ZNF462: variants seen among roughly 807,000 people sequenced by gnomAD.
ZNF462 encodes the protein zinc finger PBX1-interacting protein.
A neutral mutation model predicts 201.9 loss-of-function variants in ZNF462; 10 were observed. The observed-to-expected ratio is 0.05, with a 90% CI of 0.03 to 0.08. The LOEUF (loss-of-function observed/expected upper bound fraction) is 0.08. ZNF462 is among the 10% of genes least tolerant of loss of function. The pLI is 1.00. For missense variants in ZNF462, 2,523 were observed against 3,168.3 expected (o/e 0.80, Z 4.89); for synonymous variants, 1,227 against 1,193.3 (o/e 1.03, Z -0.58).
intron 7 of ZNF462, among the ~76,000 whole-genome samples, chr9:106,964,092 T>G (rs902893341): frequency 1.3e-5 from 2 of 151,954 alleles, no homozygotes; most frequent in Non-Finnish European, 2.9e-5. Context: ...CTTAGGTTGC[T>G]TCTACCTCCT....
chr9:106,929,370 C>T lies in ZNF462; in HGVS notation c.5458C>T (p.Leu1820=), dbSNP rs1830332915. The T allele has an allele frequency of 2.5e-6, 4 of 1,614,126 alleles. No individual in the cohort carries two copies. Among genetic ancestry groups the T allele is most frequent in the East Asian group, 4.5e-5 (2 of 44,866 alleles). ...VYADEHEKPT[L]MEEEERGNFE... ...TGCAGATGAGCATGAGAAGCCCACA[C>T]TGATGGAAGAAGAGGAGAGAGGCAA... The change falls in exon 3 of 13, where the codon CTG becomes TTG. Residue 1820 remains leucine (L), a synonymous_variant. Coordinates refer to ENST00000277225, the MANE Select transcript of ZNF462 (RefSeq NM_021224.6). This position sits in a 1 kb window ranked among gnomAD's most constrained non-coding sequence, Gnocchi z 8.7.
At chr9:106,989,441 A>G (rs1274592716) in intron 10 of ZNF462, among the ~76,000 whole-genome samples, 1 of 152,060 alleles carries the variant, frequency 6.6e-6, no homozygotes, top group Non-Finnish European at 1.5e-5. Flanking sequence ...TTGGTTAGCT[A>G]GTATTTTGTT....
chr9:106,987,040 T>C (rs957067999), intron 10 of ZNF462, among the ~76,000 whole-genome samples: 1 of 146,550 alleles, frequency 6.8e-6, no homozygotes, highest in African/African-American at 2.5e-5. Context: ...TAGATAGATA[T>C]CACAGTTTCT....
Position 106,984,129 on chromosome 9 carries a change from ACTT to A in ZNF462, c.6833-54_6833-52del. On this transcript the variant is annotated intron_variant, in intron 9 of 12. Coordinates refer to ENST00000277225, the MANE Select transcript of ZNF462 (RefSeq NM_021224.6). The surrounding 1 kb of genome is among the most constrained non-coding windows in gnomAD (Gnocchi z 6.4). ...TTTCTTCTTGTATTCCAAAGAAAGA[ACTT>A]CTGTTTTGCCATCAGTAAAAATTCC... 1 of 1,498,270 alleles carries A rather than the reference ACTT, an allele frequency of 6.7e-7. No individual in the cohort carries two copies. Among genetic ancestry groups the A allele is most frequent in the Non-Finnish European group, 9.1e-7 (1 of 1,094,162 alleles). 92.8% of individuals were successfully genotyped at this position (1,498,270 alleles called of 1,614,324 possible).
chr9:107,010,523 A>T lies in ZNF462; in HGVS notation c.7314-300A>T, dbSNP rs1159671913. Among the ~76,000 whole-genome samples the T allele has an allele frequency of 6.6e-6, 1 of 152,210 alleles. No individual in the cohort carries two copies. Among genetic ancestry groups the T allele is most frequent in the Non-Finnish European group, 1.5e-5 (1 of 68,040 alleles). ...CACTTATGACCCAGTAGAGAAAGTG[A>T]CATAAAATGATTATGCTTATCTAGA... is the stretch of plus-strand genomic sequence containing the variant. On this transcript the variant is annotated intron_variant, in intron 12 of 12. Coordinates refer to ENST00000277225, the MANE Select transcript of ZNF462 (RefSeq NM_021224.6). This position sits in a 1 kb window ranked among gnomAD's most constrained non-coding sequence, Gnocchi z 4.6.
chr9:106,935,635 T>C lies in ZNF462; in HGVS notation c.6235+14T>C. On this transcript the variant is annotated intron_variant, in intron 6 of 12. Transcript: ENST00000277225. This position sits in a 1 kb window ranked among gnomAD's most constrained non-coding sequence, Gnocchi z 4.1. ...AAGCTCATGCTGGTGAGTTGTGCAT[T>C]GATGATGCACAAGTTCTTTAGCACT... 6.3e-7 allele frequency: 1 copy of C among 1,584,900 alleles called. No homozygotes were observed. The highest frequency in any genetic ancestry group is 8.7e-7 in the Non-Finnish European group (1 of 1,153,488).
intron 4 of ZNF462, among the ~76,000 whole-genome samples, chr9:106,931,442 A>T (rs1396252994): frequency 1.3e-5 from 2 of 152,216 alleles, no homozygotes; most frequent in Admixed American, 6.5e-5. Flanking sequence ...GTACACGCGA[A>T]CATATTTTTG....
chr9:106,949,709 C>T (rs376237435), intron 7 of ZNF462, among the ~76,000 whole-genome samples: 6 of 152,140 alleles, frequency 3.9e-5, no homozygotes, highest in African/African-American at 1.4e-4. Flanking sequence ...TTCTTCCTCT[C>T]TTTTGGAGTA....
chr9:106,968,833 TTAA>T lies in ZNF462; in HGVS notation c.6428-3170_6428-3168del, dbSNP rs1832195046. Reference sequence around the variant, plus strand: ...AAGCTCAAAATGAAAGAAAATAGTCTTAATGATGATTTTTAACTTATGTGACAT... The same window carrying T: ...AAGCTCAAAATGAAAGAAAATAGTCTTGATGATTTTTAACTTATGTGACAT... On this transcript the variant is annotated intron_variant, in intron 7 of 12. Transcript: ENST00000277225. The surrounding 1 kb of genome is among the most constrained non-coding windows in gnomAD (Gnocchi z 4.0). Among the ~76,000 whole-genome samples the T allele has an allele frequency of 6.6e-6, 1 of 152,192 alleles. No homozygotes were observed. The highest frequency in any genetic ancestry group is 3.2e-3 in the Middle Eastern group (1 of 316).
At position 106,923,551 on chromosome 9, in the gene ZNF462, G is replaced by A. The variant is rs773300916; in HGVS notation, c.168G>A (p.Glu56=). ...CCGTGAATGCCAGTAATCAGACAGA[G>A]GTGGAGTTTTCTTCTATAAAGGATG... ...CGSVNASNQT[E]VEFSSIKDEF... is the part of the protein sequence containing the mutation. Residue 56 remains glutamate, a synonymous_variant, in exon 2 of 13, where the codon GAG becomes GAA. Coordinates refer to ENST00000277225, the MANE Select transcript of ZNF462 (RefSeq NM_021224.6). This position sits in a 1 kb window ranked among gnomAD's most constrained non-coding sequence, Gnocchi z 5.6. 6 of 1,614,214 alleles carry A rather than the reference G, an allele frequency of 3.7e-6. No homozygotes were observed. In the Admixed American group the frequency reaches 1.0e-4, roughly 27 times the overall value.
rs1830597630 is a variant in ZNF462, at chr9:106,935,566, CTTCAAGTCCTCCTATA to C, written c.6181_6196del (p.Phe2061ThrfsTer4). 6.2e-7 allele frequency: 1 copy of C among 1,614,022 alleles called. No homozygotes were observed. Among genetic ancestry groups the C allele is most frequent in the Non-Finnish European group, 8.5e-7 (1 of 1,180,000 alleles). The stretch of plus-strand genomic sequence containing the variant: ...AACCATTCCGATGCAAACTCTGCTC[CTTCAAGTCCTCCTATA>C]ACAGCCGGCTGAAAACACATATACT... On this transcript the variant is annotated frameshift_variant, in exon 6 of 13. Coordinates refer to ENST00000277225, the MANE Select transcript of ZNF462 (RefSeq NM_021224.6). LOFTEE classifies it high-confidence loss of function. The surrounding 1 kb of genome is among the most constrained non-coding windows in gnomAD (Gnocchi z 4.1).
At chr9:106,908,942 T>TATATATATATATATA (rs71384993) in intron 1 of ZNF462, among the ~76,000 whole-genome samples, 12 of 16,690 alleles carry the variant, frequency 7.2e-4, no homozygotes, top group East Asian at 2.1e-3. Flanking sequence ...TATATATATA[T>TATATATATATATATA]TTTTTTTTTT....
At chr9:106,943,057 CGCGTGTGTGTGTGTGTGTGT>C (rs1830946834) in intron 7 of ZNF462, among the ~76,000 whole-genome samples, 1 of 136,818 alleles carries the variant, frequency 7.3e-6, no homozygotes, top group Non-Finnish European at 1.6e-5. Context: ...GTTTTGCGCG[CGCGTGTGTGTGTGTGTGTGT>C]GTGTGTGTGT....
In ZNF462 at chr9:107,005,718, T is replaced by C. The variant is rs1829494095; in HGVS notation, c.7189+2292T>C. Among the ~76,000 whole-genome samples, 2 of 152,362 alleles carry C rather than the reference T, an allele frequency of 1.3e-5. No homozygotes were observed. The highest frequency in any genetic ancestry group is 6.5e-5 in the Admixed American group (1 of 15,296). ...TCTGTTTATCTGTTTTTGCTTTTGT[T>C]GCCCATGCTTTTGAGGTCATATCCA... On this transcript the variant is annotated intron_variant, in intron 11 of 12. Coordinates refer to ENST00000277225, the MANE Select transcript of ZNF462 (RefSeq NM_021224.6). The surrounding 1 kb of genome is among the most constrained non-coding windows in gnomAD (Gnocchi z 4.4).
intron 1 of ZNF462, among the ~76,000 whole-genome samples, chr9:106,884,298 TGACATGCAG>T (rs1175755200): frequency 1.3e-5 from 2 of 152,154 alleles, no homozygotes; most frequent in Admixed American, 1.3e-4. Flanking sequence ...CTTGAAGAGT[TGACATGCAG>T]GAAGTAGGAA....
At position 106,926,734 on chromosome 9, in the gene ZNF462, T is replaced by G; in HGVS notation, c.2822T>G (p.Met941Arg). 1 of 1,614,160 alleles carries G rather than the reference T, an allele frequency of 6.2e-7. No homozygotes were observed. Among genetic ancestry groups the G allele is most frequent in the Non-Finnish European group, 8.5e-7 (1 of 1,180,036 alleles). The change falls in exon 3 of 13, where the codon ATG becomes AGG. Residue 941 changes from methionine to arginine, a missense_variant. Coordinates refer to ENST00000277225, the MANE Select transcript of ZNF462 (RefSeq NM_021224.6). The surrounding 1 kb of genome is among the most constrained non-coding windows in gnomAD (Gnocchi z 7.9). The part of the protein sequence containing the change: ...SYTSPNVRSL[M>R]PHYQRMHPTV... ...ACGAGCCCGAATGTTAGAAGCCTGATGCCACATTACCAAAGAATGCATCCC... is the reference window on the plus strand; with the variant it reads ...ACGAGCCCGAATGTTAGAAGCCTGAGGCCACATTACCAAAGAATGCATCCC...
Position 106,928,107 on chromosome 9 carries a change from G to A in ZNF462, c.4195G>A (p.Asp1399Asn). 6.2e-7 allele frequency: 1 copy of A among 1,614,210 alleles called. No individual in the cohort carries two copies. Among genetic ancestry groups the A allele is most frequent in the Non-Finnish European group, 8.5e-7 (1 of 1,180,038 alleles). ...ATTCCACCCCTGGGCCATGAATGGTGATGAGTCAGTGCTACTGGACATCAT... is the reference window on the plus strand; with the variant it reads ...ATTCCACCCCTGGGCCATGAATGGTAATGAGTCAGTGCTACTGGACATCAT... ...QAFHPWAMNG[D>N]ESVLLDIIKE... The change falls in exon 3 of 13, where the codon GAT becomes AAT. Residue 1399 changes from aspartate to asparagine, a missense_variant. By Grantham distance (23) the Asp-to-Asn change is conservative. This residue lies in a region of ZNF462 where 165 missense variants were observed against 142.6 expected (regional missense o/e 1.16). Coordinates refer to ENST00000277225, the MANE Select transcript of ZNF462 (RefSeq NM_021224.6). This position sits in a 1 kb window ranked among gnomAD's most constrained non-coding sequence, Gnocchi z 9.3.
rs184170271 is a variant in ZNF462 at position 106,942,006 on chromosome 9, T to C, written c.6427+2899T>C. On this transcript the variant is annotated intron_variant, in intron 7 of 12. Transcript: ENST00000277225. ...TTTTAATAGAGAGAAGCTGTGGGGC[T>C]ATTGGCTCACAGTTAAGGTTTCCCA... Among the ~76,000 whole-genome samples the C allele has an allele frequency of 7.2e-3, 1,102 of 152,312 alleles. 11 individuals carry two copies. The highest frequency in any genetic ancestry group is 0.013 in the Admixed American group (198 of 15,298).
rs1296958776 is a variant in ZNF462, at chr9:106,981,723, A to G, written c.6833-2463A>G. On this transcript the variant is annotated intron_variant, in intron 9 of 12. Transcript: ENST00000277225. This position sits in a 1 kb window ranked among gnomAD's most constrained non-coding sequence, Gnocchi z 4.0. ...GGAAACTGCAAAGAAAACCAACCTA[A>G]GTGGTAGAGGAATTGAAAAGGAGGC... Among the ~76,000 whole-genome samples, 1 of 152,216 alleles carries G rather than the reference A, an allele frequency of 6.6e-6. No individual in the cohort carries two copies. The highest frequency in any genetic ancestry group is 2.4e-5 in the African/African-American group (1 of 41,452).
Sources: allele counts gnomAD v4.1 joint callset (sites outside exome capture counted in the v4.1 genomes callset), GRCh38; gene constraint gnomAD v4.1.1; regional missense constraint gnomAD v4.1.1; non-coding constraint Gnocchi (gnomAD v3.1); transcripts MANE v1.5; gene names NCBI Gene and HGNC (gene_info 2026-07-23, HGNC 2026-07-21).